Variants in URB1 observed in about 807,000 individuals in gnomAD.
The protein encoded by URB1 is nucleolar pre-ribosomal-associated protein 1.
A neutral mutation model predicts 242.3 loss-of-function variants in URB1; 197 were observed. The observed-to-expected ratio is 0.81, with a 90% CI of 0.72 to 0.91. The LOEUF is 0.91. Ranked by LOEUF, URB1 falls within the 40% of genes least tolerant of loss-of-function variation. The pLI, the probability that URB1 is intolerant of heterozygous loss-of-function variation, is 0.00. For synonymous variants in URB1, 1,153 were observed against 1,201.8 expected (o/e 0.96, Z 0.84); for missense variants, 2,721 against 2,860.5 (o/e 0.95, Z 1.11).
In URB1 at chr21:32,379,329, G is replaced by A. The variant is rs551913121; in HGVS notation, c.568-788C>T. On this transcript the variant is annotated intron_variant, in intron 4 of 38. Coordinates refer to ENST00000382751, the MANE Select transcript of URB1 (RefSeq NM_014825.3). The stretch of plus-strand genomic sequence containing the variant: ...ATCAGCTGTTCCAGAACTAGCAGGT[G>A]TGCCTGGATCCTCCATTGCTTACAC... Among the ~76,000 whole-genome samples the A allele has an allele frequency of 1.0e-4, 16 of 152,390 alleles. 1 individual carries two copies. In the South Asian group the frequency reaches 3.1e-3, roughly 30 times the overall value.
intron 26 of URB1, among the ~76,000 whole-genome samples, chr21:32,337,873 G>T (rs2032980728): frequency 6.6e-6 from 1 of 151,838 alleles, no homozygotes; most frequent in Non-Finnish European, 1.5e-5. Flanking sequence ...TTCTTCCTAG[G>T]CCTTTGACAA....
At position 32,314,545 on chromosome 21, in the gene URB1, T is replaced by A; in HGVS notation, c.*373A>T. 1.2e-6 allele frequency: 2 copies of A among 1,612,870 alleles called. No homozygotes were observed. The highest frequency in any genetic ancestry group is 2.2e-5 in the South Asian group (2 of 91,054). On this transcript the variant is annotated 3_prime_UTR_variant, in exon 39 of 39. Transcript: ENST00000382751. ...AAAAAAAATCTGATACCTTTTGACA[T>A]TTCAGCTTTAACACAGATGAATCTC...
chr21:32,383,947 T>C (rs1001044236), intron 3 of URB1, among the ~76,000 whole-genome samples: 11 of 152,284 alleles, frequency 7.2e-5, no homozygotes, highest in East Asian at 3.9e-4. Flanking sequence ...CCAGATTCCA[T>C]GGTTTTCTGA....
At chr21:32,352,561 C>A in intron 19 of URB1, 149 bp downstream of exon 19, 1 of 844,128 alleles carries the variant, frequency 1.2e-6, no homozygotes, top group South Asian at 1.7e-5. Flanking sequence ...TACTACTTAG[C>A]TTCCTCTCTT....
In URB1 at chr21:32,314,444, C is replaced by T. The variant is rs2032645672; in HGVS notation, c.*474G>A. 9.6e-7 allele frequency: 1 copy of T among 1,042,946 alleles called. No individual in the cohort carries two copies. Among genetic ancestry groups the T allele is most frequent in the African/African-American group, 1.6e-5 (1 of 63,636 alleles). 64.6% of individuals were successfully genotyped at this position (1,042,946 alleles called of 1,614,324 possible). A position where few individuals can be genotyped will look rare whatever the true frequency, so the allele number is the denominator to read the frequency against. On this transcript the variant is annotated 3_prime_UTR_variant, in exon 39 of 39. Coordinates refer to ENST00000382751, the MANE Select transcript of URB1 (RefSeq NM_014825.3). ...AGGTGATTCACCCGCCTTGGCCTCC[C>T]AAAGTGCTGGGATTATAGGCGTGAG...
chr21:32,384,425 G>T lies in URB1; in HGVS notation c.322C>A (p.Arg108=), dbSNP rs535599765. The T allele has an allele frequency of 1.4e-5, 21 of 1,551,822 alleles. No individual in the cohort carries two copies. In the African/African-American group the frequency reaches 2.7e-4, roughly 20 times the overall value. ...IFQVFEAILL[R]TASDLSHFHV... is the part of the protein sequence containing the mutation. ...AAATGTGAAAGATCACTTGCTGTCC[G>T]CAATAATATGGCCTCGAAAACTTGA... is the stretch of plus-strand genomic sequence containing the variant. The change falls in exon 3 of 39, where the codon CGG becomes AGG. Residue 108 remains arginine (R), a synonymous_variant. Transcript: ENST00000382751.
chr21:32,326,048 AGAG>A (rs3056302), intron 30 of URB1, among the ~76,000 whole-genome samples: 4,558 of 152,278 alleles, frequency 0.03, 214 homozygotes, highest in African/African-American at 0.1. Flanking sequence ...TCACTAGAGG[AGAG>A]GAGAAGACTC....
At chr21:32,337,773 T>G (rs1420373279) in intron 26 of URB1, among the ~76,000 whole-genome samples, 1 of 151,892 alleles carries the variant, frequency 6.6e-6, no homozygotes, top group African/African-American at 2.4e-5. Context: ...GCAATCCTCC[T>G]TGGCATCCCA....
At chr21:32,355,298 T>C (rs886562808) in intron 16 of URB1, 151 bp downstream of exon 16, 2 of 723,094 alleles carry the variant, frequency 2.8e-6, no homozygotes, top group Non-Finnish European at 4.5e-6. Flanking sequence ...ATTCTAAAAC[T>C]ATGTAGATTC....
Position 32,350,774 on chromosome 21 carries a change from A to G in URB1, c.2762T>C (p.Met921Thr). ...CTTGGCCGCGAGCAGGACCTGCTGC[A>G]TGGACAGGTGTGGCATGGTGGCCTG... is the stretch of plus-strand genomic sequence containing the variant. Reference protein sequence around the residue: ...QLQATMPHLSMQQVLLAAKQV... With the variant: ...QLQATMPHLSTQQVLLAAKQV... The change falls in exon 20 of 39, where the codon ATG becomes ACG. Residue 921 changes from methionine to threonine, a missense_variant. Physicochemically the swap from Met to Thr is moderately conservative, Grantham distance 81 (BLOSUM62 -1). Coordinates refer to ENST00000382751, the MANE Select transcript of URB1 (RefSeq NM_014825.3). 1 of 1,551,554 alleles carries G rather than the reference A, an allele frequency of 6.4e-7. No homozygotes were observed. Among genetic ancestry groups the G allele is most frequent in the Non-Finnish European group, 8.7e-7 (1 of 1,147,012 alleles).
At position 32,378,442 on chromosome 21, in the gene URB1, T is replaced by C; in HGVS notation, c.664+3A>G. ...TTCCTAACGGACAAGGGAGTACACC[T>C]ACCTTTCACTTCCAACACCTGCACT... On this transcript the variant is annotated splice_donor_region_variant and intron_variant, in intron 5 of 38. Coordinates refer to ENST00000382751, the MANE Select transcript of URB1 (RefSeq NM_014825.3). 6.4e-7 allele frequency: 1 copy of C among 1,551,032 alleles called. No homozygotes were observed. Among genetic ancestry groups the C allele is most frequent in the South Asian group, 1.2e-5 (1 of 84,050 alleles).
intron 24 of URB1, among the ~76,000 whole-genome samples, chr21:32,342,017 C>G (rs560217290): frequency 6.7e-6 from 1 of 148,556 alleles, no homozygotes; most frequent in African/African-American, 2.5e-5. Context: ...AAACAATCCA[C>G]AAGAGCATGA....
At position 32,319,376 on chromosome 21, in the gene URB1, AAGG is replaced by A; in HGVS notation, c.5630_5632del (p.Ser1877del). On this transcript the variant is annotated inframe_deletion, in exon 36 of 39. Transcript: ENST00000382751. Reference sequence around the variant, plus strand: ...GTTGGTCACCCACAGTGTGTGTAGCAAGGAGATCACATTAGACAGCAGCGGAGT... The same window carrying A: ...GTTGGTCACCCACAGTGTGTGTAGCAAGATCACATTAGACAGCAGCGGAGT... 1 of 1,546,452 alleles carries A rather than the reference AAGG, an allele frequency of 6.5e-7. No homozygotes were observed. Among genetic ancestry groups the A allele is most frequent in the Non-Finnish European group, 8.7e-7 (1 of 1,145,302 alleles).
rs534847842 is a variant in URB1 at position 32,352,837 on chromosome 21, G to A, written c.2486C>T (p.Ala829Val). ...DLLHTQRDPL[A>V]LCLLLQAYDK... is the part of the protein sequence containing the mutation. ...ATATGCCTGGAGCAGGAGACACAGA[G>A]CCAGGGGGTCCCTCTGGGTGTGGAG... Residue 829 changes from alanine (A) to valine (V), a missense_variant, in exon 19 of 39, where the codon GCT (alanine) becomes GTT (valine). Ala to Val is a moderately conservative substitution (Grantham distance 64). Transcript: ENST00000382751. 1.3e-6 allele frequency: 2 copies of A among 1,551,702 alleles called. No individual in the cohort carries two copies. Among genetic ancestry groups the A allele is most frequent in the African/African-American group, 2.7e-5 (2 of 73,184 alleles).
Position 32,314,349 on chromosome 21 carries a change from T to C in URB1, c.*569A>G. ...ACAGGTGTGCGCTACCATGCCTGGC[T>C]AATTTTTGTATTTTTAGTAGAGATG... On this transcript the variant is annotated 3_prime_UTR_variant, in exon 39 of 39. Transcript: ENST00000382751. 1 of 489,522 alleles carries C rather than the reference T, an allele frequency of 2.0e-6. No individual in the cohort carries two copies. The highest frequency in any genetic ancestry group is 3.0e-5 in the Admixed American group (1 of 33,838). The allele number at this position is 489,522 out of a possible 1,614,324, so 30.3% of individuals were successfully genotyped here.
chr21:32,377,070 T>C lies in URB1; in HGVS notation c.664+1375A>G, dbSNP rs534931434. On this transcript the variant is annotated intron_variant, in intron 5 of 38. Coordinates refer to ENST00000382751, the MANE Select transcript of URB1 (RefSeq NM_014825.3). ...AAGACCCATTTCCAGCTAATATAAA[T>C]ATTATTCCCTAACAAAACCTCTACT... 1.4e-4 allele frequency: 63 copies of C among 439,286 alleles called. No individual in the cohort carries two copies. The Admixed American group carries it at 1.6e-3, about 11-fold the overall frequency. 27.2% of individuals were successfully genotyped at this position (439,286 alleles called of 1,614,324 possible).
rs1254962718 is a variant in URB1, at chr21:32,347,374, C to A, written c.3450G>T (p.Leu1150=). Residue 1150 remains leucine (L), a synonymous_variant, in exon 22 of 39, where the codon CTG becomes CTT. Transcript: ENST00000382751. ...PTKSPGKERH[L]NALGKTLVQL... is the part of the protein sequence containing the mutation. Reference sequence around the variant, plus strand: ...GCACCAGGGTCTTTCCAAGAGCATTCAGGTGTCTTTCCTTCCCGGGGGATT... The same window carrying A: ...GCACCAGGGTCTTTCCAAGAGCATTAAGGTGTCTTTCCTTCCCGGGGGATT... The A allele has an allele frequency of 1.9e-6, 3 of 1,551,354 alleles. No homozygotes were observed. The highest frequency in any genetic ancestry group is 2.6e-6 in the Non-Finnish European group (3 of 1,146,986).
At chr21:32,334,472 C>T in intron 28 of URB1, 138 bp from the exon 29 acceptor site, 2 of 1,013,922 alleles carry the variant, frequency 2.0e-6, no homozygotes, top group Non-Finnish European at 2.8e-6. Flanking sequence ...CGTGTTATAT[C>T]ACTCAATCCC....
rs2032709436 is a variant in URB1 at position 32,317,731 on chromosome 21, C to T, written c.5979G>A (p.Lys1993=). 6.4e-7 allele frequency: 1 copy of T among 1,551,690 alleles called. No individual in the cohort carries two copies. The highest frequency in any genetic ancestry group is 1.4e-5 in the African/African-American group (1 of 73,056). The change falls in exon 37 of 39, where the codon AAG becomes AAA. Residue 1993 remains lysine, a synonymous_variant. Transcript: ENST00000382751. ...TGGCTGCTCTCAGGTCTTCCTGGAG[C>T]TTGAGGTCTCTTTCAATGAGGCTCC... The part of the protein sequence containing the change: ...HKWSLIERDL[K]LQEDLRAAIE...
Sources: gnomAD v4.1 joint callset for allele counts (sites outside exome capture counted in the v4.1 genomes callset) on GRCh38, gnomAD v4.1.1 for gene constraint, MANE v1.5 for transcripts, NCBI Gene and HGNC (gene_info 2026-07-23, HGNC 2026-07-21) for gene names.